The following ERC1 variants were observed in gnomAD, a reference collection of about 807,000 sequenced individuals.
The protein encoded by ERC1 is ELKS/RAB6-interacting/CAST family member 1, also known as RAB6 interacting protein 2.
A neutral mutation model predicts 132.0 loss-of-function variants in ERC1; 56 were observed. The ratio of observed to expected loss-of-function variants is 0.42; its 90% CI spans 0.34 to 0.53. The LOEUF is 0.53. Among genes scored for constraint, ERC1 ranks in the 20% least tolerant of loss-of-function variants. The pLI is 0.03. For missense variants in ERC1, 1,202 were observed against 1,349.9 expected, an observed-to-expected ratio of 0.89 and a Z score of 1.72; for synonymous variants, 478 against 476.1, an observed-to-expected ratio of 1.00 and a Z score of -0.05.
At chr12:1,056,468 T>C (rs868185992) in intron 2 of ERC1, among the ~76,000 whole-genome samples, 28 of 151,828 alleles carry the variant, frequency 1.8e-4, no homozygotes, top group African/African-American at 6.3e-4. Context: ...GGTTCTGCGG[T>C]GGAATGCAAG....
At chr12:1,177,668 G>A (rs1239899438) in intron 8 of ERC1, among the ~76,000 whole-genome samples, 3 of 152,110 alleles carry the variant, frequency 2.0e-5, no homozygotes, top group East Asian at 1.9e-4. Flanking sequence ...CACTGATCAC[G>A]GATCACTGTA....
At chr12:1,393,782 C>T (rs1278265756) in intron 16 of ERC1, among the ~76,000 whole-genome samples, 2 of 151,732 alleles carry the variant, frequency 1.3e-5, no homozygotes, top group African/African-American at 4.8e-5. Flanking sequence ...AATCCCAGCA[C>T]TTTGGGAGGC....
intron 11 of ERC1, among the ~76,000 whole-genome samples, chr12:1,186,718 A>AC (rs1462831540): frequency 2.6e-5 from 4 of 152,238 alleles, no homozygotes; most frequent in Non-Finnish European, 4.4e-5. Flanking sequence ...GAAATTAAAC[A>AC]CCTTCATCCA....
intron 18 of ERC1, among the ~76,000 whole-genome samples, chr12:1,485,057 G>A (rs73601973): frequency 0.043 from 6,365 of 149,436 alleles, 439 homozygotes; most frequent in African/African-American, 0.15. Flanking sequence ...TAATTTTTTT[G>A]TTTTAGTTTT....
intron 8 of ERC1, among the ~76,000 whole-genome samples, chr12:1,157,973 G>A (rs1169890335): frequency 6.6e-6 from 1 of 152,144 alleles, no homozygotes; most frequent in Non-Finnish European, 1.5e-5. Flanking sequence ...CACTACCTGG[G>A]AGGAAATCAA....
intron 15 of ERC1, among the ~76,000 whole-genome samples, chr12:1,314,839 G>T (rs2081574507): frequency 6.6e-6 from 1 of 151,984 alleles, no homozygotes; most frequent in Non-Finnish European, 1.5e-5. Context: ...CAATCTGTCT[G>T]TCCATTTTGG....
intron 12 of ERC1, among the ~76,000 whole-genome samples, chr12:1,190,782 C>T (rs1382743280): frequency 1.3e-5 from 2 of 151,984 alleles, no homozygotes; most frequent in Admixed American, 1.3e-4. Context: ...ACAACTCTGC[C>T]GGTAGAACTT....
At chr12:1,147,251 G>A (rs527757877) in intron 8 of ERC1, among the ~76,000 whole-genome samples, 1 of 152,138 alleles carries the variant, frequency 6.6e-6, no homozygotes, top group Non-Finnish European at 1.5e-5. Flanking sequence ...CATAATGTTG[G>A]CTGTGGCTTT....
At chr12:1,210,712 A>G (rs1010969971) in intron 12 of ERC1, among the ~76,000 whole-genome samples, 1 of 152,142 alleles carries the variant, frequency 6.6e-6, no homozygotes, top group Non-Finnish European at 1.5e-5. Context: ...TTCTTTAGCT[A>G]GGGCTGGGCA....
intron 3 of ERC1, among the ~76,000 whole-genome samples, chr12:1,101,277 G>T (rs1944627383): frequency 6.6e-6 from 1 of 152,190 alleles, no homozygotes; most frequent in Admixed American, 6.5e-5. Context: ...GGGAGGACTA[G>T]AGAACTGGGC....
chr12:1,478,342 G>A (rs187642752), intron 18 of ERC1, among the ~76,000 whole-genome samples: 19 of 152,154 alleles, frequency 1.2e-4, no homozygotes, highest in African/African-American at 4.1e-4. Context: ...AACCATTTCA[G>A]TATACTCTTG....
chr12:1,302,169 A>G (rs2080453207), intron 15 of ERC1, among the ~76,000 whole-genome samples: 1 of 152,250 alleles, frequency 6.6e-6, no homozygotes, highest in African/African-American at 2.4e-5. Context: ...GGTTGGCCTT[A>G]TTTCTAGAAT....
intron 18 of ERC1, among the ~76,000 whole-genome samples, chr12:1,478,342 G>C (rs187642752): frequency 1.2e-4 from 19 of 152,272 alleles, no homozygotes; most frequent in Admixed American, 1.2e-3. Flanking sequence ...AACCATTTCA[G>C]TATACTCTTG....
intron 11 of ERC1, among the ~76,000 whole-genome samples, chr12:1,183,961 CCA>C (rs753030521): frequency 1.4e-4 from 21 of 152,038 alleles, no homozygotes; most frequent in Non-Finnish European, 2.9e-4. Context: ...TGGCGAAACC[CCA>C]TCTCTACTAA....
chr12:1,100,031 G>A (rs1248281390), intron 3 of ERC1, among the ~76,000 whole-genome samples: 3 of 151,708 alleles, frequency 2.0e-5, no homozygotes, highest in African/African-American at 7.3e-5. Context: ...TGTATTTTTA[G>A]TAGAGATAAG....
intron 12 of ERC1, among the ~76,000 whole-genome samples, chr12:1,217,659 G>A (rs757208906): frequency 1.3e-5 from 2 of 152,090 alleles, no homozygotes; most frequent in African/African-American, 2.4e-5. Flanking sequence ...ACTTACTCTC[G>A]TCTCCACTCC....
In ERC1 at chr12:1,490,892, G is replaced by T. The variant is rs78680208; in HGVS notation, c.*662G>T. On this transcript the variant is annotated 3_prime_UTR_variant, in exon 19 of 19. Transcript: ENST00000360905. ...CTTCATCCAGCCCTGCCTGTCTGTC[G>T]CAGCCTTCCTCACTCTGTTCCTCGG... is the stretch of plus-strand genomic sequence containing the variant. The T allele has an allele frequency of 1.3e-5, 3 of 232,396 alleles. No individual in the cohort carries two copies. In the East Asian group the frequency reaches 1.8e-4, roughly 14 times the overall value. 14.4% of individuals were successfully genotyped at this position (232,396 alleles called of 1,614,324 possible). A position where few individuals can be genotyped will look rare whatever the true frequency, so the allele number is the denominator to read the frequency against.
At chr12:1,004,822 G>C (rs1185006402) in intron 1 of ERC1, among the ~76,000 whole-genome samples, 1 of 131,450 alleles carries the variant, frequency 7.6e-6, no homozygotes, top group Non-Finnish European at 1.8e-5. Context: ...GTGTGTGTGT[G>C]TGTGTGTGTG....
At chr12:1,113,056 A>G (rs550884829) in intron 6 of ERC1, among the ~76,000 whole-genome samples, 30 of 152,330 alleles carry the variant, frequency 2.0e-4, no homozygotes, top group South Asian at 4.1e-4. Flanking sequence ...ATACAGTATG[A>G]CAACTATTTA....
Sources: gnomAD v4.1 joint callset for allele counts (sites outside exome capture counted in the v4.1 genomes callset) on GRCh38, gnomAD v4.1.1 for gene constraint, MANE v1.5 for transcripts, NCBI Gene and HGNC (gene_info 2026-07-23, HGNC 2026-07-21) for gene names.